The following UVRAG variants were observed in gnomAD, a reference collection of about 807,000 sequenced individuals.
UVRAG encodes the protein UV radiation resistance-associated gene protein.
Under a neutral mutation model 78.0 loss-of-function variants are expected in UVRAG, and 19 were observed. The ratio of observed to expected loss-of-function variants is 0.24; its 90% CI spans 0.17 to 0.36. The LOEUF (loss-of-function observed/expected upper bound fraction) is 0.36, where lower values mean the gene tolerates loss of function less well. Ranked by LOEUF, UVRAG falls within the 10% of genes least tolerant of loss-of-function variation. UVRAG has a pLI of 1.00. For synonymous variants in UVRAG, 323 were observed against 324.6 expected (o/e 1.00, Z 0.05); for missense variants, 740 against 853.8 (o/e 0.87, Z 1.66).
chr11:76,079,194 A>G (rs1345779516), intron 13 of UVRAG, among the ~76,000 whole-genome samples: 1 of 152,208 alleles, frequency 6.6e-6, no homozygotes, highest in Non-Finnish European at 1.5e-5. Context: ...AAAAGGTTTT[A>G]AGATTCTTGC....
chr11:75,868,193 C>G (rs1946575484), intron 3 of UVRAG, among the ~76,000 whole-genome samples: 1 of 152,110 alleles, frequency 6.6e-6, no homozygotes, highest in Non-Finnish European at 1.5e-5. Flanking sequence ...GAGCAGACGC[C>G]TGACAGAAGT....
At chr11:75,869,585 A>G (rs187613184) in intron 3 of UVRAG, among the ~76,000 whole-genome samples, 2 of 152,366 alleles carry the variant, frequency 1.3e-5, no homozygotes, top group South Asian at 2.1e-4. Flanking sequence ...ATAATCAACA[A>G]ATCAACACAT....
chr11:76,008,145 C>T (rs900897658), intron 10 of UVRAG, among the ~76,000 whole-genome samples: 5 of 152,082 alleles, frequency 3.3e-5, no homozygotes, highest in East Asian at 1.9e-4. Context: ...CTCCTGACCT[C>T]GTGATCCACC....
chr11:75,836,081 C>G (rs529847550), intron 1 of UVRAG, among the ~76,000 whole-genome samples: 1 of 151,522 alleles, frequency 6.6e-6, no homozygotes, highest in Non-Finnish European at 1.5e-5. Flanking sequence ...AGCCTGGAGA[C>G]AGTGAGACTC....
intron 13 of UVRAG, among the ~76,000 whole-genome samples, chr11:76,077,071 AT>A (rs1357960808): frequency 6.7e-6 from 1 of 149,422 alleles, no homozygotes; most frequent in African/African-American, 2.4e-5. Flanking sequence ...TCAGTCAGAG[AT>A]TGTTCTTTCC....
intron 5 of UVRAG, among the ~76,000 whole-genome samples, chr11:75,896,796 A>G (rs1288516076): frequency 1.3e-5 from 2 of 152,138 alleles, no homozygotes; most frequent in Non-Finnish European, 2.9e-5. Flanking sequence ...AACTTTTGGT[A>G]TTTATTTTTA....
chr11:76,120,975 A>G (rs1417417185), intron 14 of UVRAG, among the ~76,000 whole-genome samples: 1 of 152,174 alleles, frequency 6.6e-6, no homozygotes. Flanking sequence ...CCATTCACAG[A>G]TTGGTCCCTG....
chr11:75,969,089 A>C (rs1949079583), intron 7 of UVRAG, among the ~76,000 whole-genome samples: 1 of 152,130 alleles, frequency 6.6e-6, no homozygotes, highest in Non-Finnish European at 1.5e-5. Flanking sequence ...ATCACCATCC[A>C]TCTCCAGAAG....
chr11:76,065,337 T>A (rs1324790937), intron 12 of UVRAG, among the ~76,000 whole-genome samples: 1 of 152,242 alleles, frequency 6.6e-6, no homozygotes, highest in African/African-American at 2.4e-5. Context: ...TCCCATTTAG[T>A]AGAAGTTGAG....
chr11:76,134,563 G>C (rs1444939116), intron 14 of UVRAG, among the ~76,000 whole-genome samples: 2 of 152,212 alleles, frequency 1.3e-5, no homozygotes, highest in East Asian at 3.9e-4. Context: ...TAAAGGGAAG[G>C]AGATTTAGAT....
rs145732299 is a variant in UVRAG at position 75,904,020 on chromosome 11, C to T, written c.508-7934C>T. 4.9e-3 allele frequency among the ~76,000 whole-genome samples: 748 copies of T among 152,266 alleles called. 4 individuals carry two copies. The highest frequency in any genetic ancestry group is 0.016 in the African/African-American group (683 of 41,536). On this transcript the variant is annotated intron_variant, in intron 5 of 14. Coordinates refer to ENST00000356136, the MANE Select transcript of UVRAG (RefSeq NM_003369.4). ...GTACAGGGATAAGCAAACTGTAGTCCAGCACATATTTTTGTATAGCTTGCG... is the reference window on the plus strand; with the variant it reads ...GTACAGGGATAAGCAAACTGTAGTCTAGCACATATTTTTGTATAGCTTGCG...
chr11:75,929,176 T>C (rs1270306613), intron 6 of UVRAG, among the ~76,000 whole-genome samples: 1 of 152,160 alleles, frequency 6.6e-6, no homozygotes, highest in African/African-American at 2.4e-5. Flanking sequence ...ATCGTGGAGA[T>C]TGCTGTGTGA....
chr11:75,914,018 A>C (rs1947794973), intron 6 of UVRAG, among the ~76,000 whole-genome samples: 1 of 152,192 alleles, frequency 6.6e-6, no homozygotes, highest in Non-Finnish European at 1.5e-5. Context: ...AGCTAATAAC[A>C]CAGATATACT....
At chr11:75,903,673 C>G (rs558482308) in intron 5 of UVRAG, among the ~76,000 whole-genome samples, 2 of 152,232 alleles carry the variant, frequency 1.3e-5, no homozygotes, top group East Asian at 3.9e-4. Context: ...CAGCAGAACT[C>G]CTGTAGCTTT....
At chr11:76,009,530 T>C (rs1238148222) in intron 11 of UVRAG, among the ~76,000 whole-genome samples, 1 of 152,202 alleles carries the variant, frequency 6.6e-6, no homozygotes, top group Non-Finnish European at 1.5e-5. Context: ...TAAACAATGC[T>C]TTGAGGCCTA....
At chr11:76,043,093 A>C (rs1052194799) in intron 12 of UVRAG, among the ~76,000 whole-genome samples, 1 of 152,250 alleles carries the variant, frequency 6.6e-6, no homozygotes, top group African/African-American at 2.4e-5. Flanking sequence ...GTAAACAAAG[A>C]AGGCTCACTT....
chr11:76,091,902 G>A (rs1421128042), intron 13 of UVRAG, among the ~76,000 whole-genome samples: 1 of 151,796 alleles, frequency 6.6e-6, no homozygotes, highest in Non-Finnish European at 1.5e-5. Flanking sequence ...TGTTACATAT[G>A]TATACATGTG....
chr11:76,066,618 G>A (rs903439012), intron 13 of UVRAG, among the ~76,000 whole-genome samples: 9 of 152,020 alleles, frequency 5.9e-5, no homozygotes, highest in African/African-American at 1.4e-4. Flanking sequence ...GATTACAGGC[G>A]CATGCCACCA....
intron 14 of UVRAG, among the ~76,000 whole-genome samples, chr11:76,134,853 G>A (rs1285300256): frequency 6.6e-6 from 1 of 152,034 alleles, no homozygotes; most frequent in African/African-American, 2.4e-5. Flanking sequence ...TATAACTCAG[G>A]GGTGCCCAAC....
Sources: allele counts gnomAD v4.1 joint callset (sites outside exome capture counted in the v4.1 genomes callset), GRCh38; gene constraint gnomAD v4.1.1; transcripts MANE v1.5; gene names NCBI Gene and HGNC (gene_info 2026-07-23, HGNC 2026-07-21).